TAF4: variants seen among roughly 807,000 people sequenced by gnomAD.
The protein encoded by TAF4 is transcription initiation factor TFIID subunit 4.
A neutral mutation model predicts 90.3 loss-of-function variants in TAF4; 9 were observed. The ratio of observed to expected loss-of-function variants is 0.10; its 90% CI spans 0.06 to 0.17. The LOEUF (loss-of-function observed/expected upper bound fraction) is 0.17, where lower values mean the gene tolerates loss of function less well. Among genes scored for constraint, TAF4 ranks in the 10% least tolerant of loss-of-function variants. The probability of loss-of-function intolerance (pLI) is 1.00; values close to 1 mark genes in which losing one functional copy is unlikely to be tolerated. For synonymous variants in TAF4, 818 were observed against 638.9 expected (o/e 1.28, Z -4.23); for missense variants, 1,351 against 1,370.7 (o/e 0.99, Z 0.23).
At chr20:62,024,854 TGA>T (rs1382660313) in intron 1 of TAF4, among the ~76,000 whole-genome samples, 1 of 150,428 alleles carries the variant, frequency 6.6e-6, no homozygotes, top group African/African-American at 2.5e-5. Context: ...CAGGCAACAC[TGA>T]GAGACTCCGC....
intron 1 of TAF4, among the ~76,000 whole-genome samples, chr20:62,034,042 C>CAA (rs753709978): frequency 1.1e-4 from 11 of 99,262 alleles, no homozygotes; most frequent in Non-Finnish European, 1.3e-4. Flanking sequence ...ACTCTGTCTC[C>CAA]AAAAAAAAAA....
At chr20:61,999,636 G>A (rs1208083926) in intron 11 of TAF4, among the ~76,000 whole-genome samples, 1 of 152,156 alleles carries the variant, frequency 6.6e-6, no homozygotes, top group African/African-American at 2.4e-5. Flanking sequence ...CCCAGAGAGA[G>A]AGGCAGGTGC....
Position 62,065,812 on chromosome 20 carries a change from T to C in TAF4, c.-2A>G. 3.9e-6 allele frequency: 5 copies of C among 1,283,286 alleles called. No homozygotes were observed. The highest frequency in any genetic ancestry group is 1.3e-5 in the South Asian group (1 of 74,570). The allele number at this position is 1,283,286 out of a possible 1,614,324, so 79.5% of individuals were successfully genotyped here. A position where few individuals can be genotyped will look rare whatever the true frequency, so the allele number is the denominator to read the frequency against. ...CAGCAGATCCGAGCCCGCCGCCATCTTTTTTCCTCGGCCGCCGCCGCCGCC... is the reference window on the plus strand; with the variant it reads ...CAGCAGATCCGAGCCCGCCGCCATCCTTTTTCCTCGGCCGCCGCCGCCGCC... On this transcript the variant is annotated 5_prime_UTR_variant, in exon 1 of 15. Coordinates refer to ENST00000252996, the MANE Select transcript of TAF4 (RefSeq NM_003185.4).
rs182388084 is a variant in TAF4, at chr20:61,975,032, G to A, written c.*1136C>T. 93 of 152,436 alleles carry A rather than the reference G, an allele frequency of 6.1e-4. No homozygotes were observed. The highest frequency in any genetic ancestry group is 1.9e-4 in the East Asian group (1 of 5,182). 9.4% of individuals were successfully genotyped at this position (152,436 alleles called of 1,614,324 possible). Reference sequence around the variant, plus strand: ...ATCAGCGTTCAGTTCACACGCGCTCGAATTAAAGTCTAATGTGAGAATTCA... The same window carrying A: ...ATCAGCGTTCAGTTCACACGCGCTCAAATTAAAGTCTAATGTGAGAATTCA... On this transcript the variant is annotated 3_prime_UTR_variant, in exon 15 of 15. Transcript: ENST00000252996.
intron 1 of TAF4, among the ~76,000 whole-genome samples, chr20:62,025,036 A>G (rs183746280): frequency 5.3e-5 from 8 of 152,298 alleles, no homozygotes; most frequent in Admixed American, 3.9e-4. Context: ...TAAAACTAAA[A>G]AGATCAGGTG....
Position 62,011,401 on chromosome 20 carries a change from G to C in TAF4, c.1642-1236C>G, listed in dbSNP as rs2055776864. On this transcript the variant is annotated intron_variant, in intron 3 of 14. Coordinates refer to ENST00000252996, the MANE Select transcript of TAF4 (RefSeq NM_003185.4). The stretch of plus-strand genomic sequence containing the variant: ...ATTTCACTCAGATGATATCCAGATT[G>C]TGTCTGCCACTAAGTATAATGCAAA... Among the ~76,000 whole-genome samples, 3 of 152,154 alleles carry C rather than the reference G, an allele frequency of 2.0e-5. No homozygotes were observed. In the South Asian group the frequency reaches 6.2e-4, roughly 32 times the overall value.
At chr20:61,984,158 G>A (rs972686483) in intron 14 of TAF4, among the ~76,000 whole-genome samples, 4 of 152,188 alleles carry the variant, frequency 2.6e-5, no homozygotes, top group South Asian at 2.1e-4. Flanking sequence ...ACTGAGGAGC[G>A]GCTCGGGGAT....
intron 1 of TAF4, among the ~76,000 whole-genome samples, chr20:62,046,218 G>A (rs897091641): frequency 5.9e-5 from 9 of 152,172 alleles, no homozygotes; most frequent in African/African-American, 1.2e-4. Context: ...GACTTGGTAC[G>A]GCTTTACTGA....
chr20:62,015,322 G>A (rs79306447), intron 1 of TAF4, among the ~76,000 whole-genome samples: 2,438 of 152,360 alleles, frequency 0.016, 64 homozygotes, highest in African/African-American at 0.056. Flanking sequence ...GCCCGTCATG[G>A]TTCTTGAGCT....
chr20:62,064,666 G>A lies in TAF4; in HGVS notation c.1145C>T (p.Ala382Val), dbSNP rs544588608. The A allele has an allele frequency of 4.6e-6, 6 of 1,300,636 alleles. No individual in the cohort carries two copies. In the East Asian group the frequency reaches 1.0e-4, roughly 22 times the overall value. The allele number at this position is 1,300,636 out of a possible 1,614,324, so 80.6% of individuals were successfully genotyped here. Reference protein sequence around the residue: ...SMVIGPTMQGALPSPAAVPPP... With the variant: ...SMVIGPTMQGVLPSPAAVPPP... ...CGGGACGGCGGCCGGGCTGGGCAGCGCCCCTTGCATAGTTGGCCCGATGAC... is the reference window on the plus strand; with the variant it reads ...CGGGACGGCGGCCGGGCTGGGCAGCACCCCTTGCATAGTTGGCCCGATGAC... The change falls in exon 1 of 15, where the codon GCG (alanine) becomes GTG (valine). Residue 382 changes from alanine to valine, a missense_variant. Physicochemically the swap from Ala to Val is moderately conservative, Grantham distance 64 (BLOSUM62 0). Around this residue, in one of 9 missense-constraint regions of TAF4, gnomAD observed 782 missense variants for 536.6 expected, o/e 1.46. Coordinates refer to ENST00000252996, the MANE Select transcript of TAF4 (RefSeq NM_003185.4).
Position 61,997,585 on chromosome 20 carries a change from T to C in TAF4, c.3055A>G (p.Lys1019Glu). The C allele has an allele frequency of 6.2e-7, 1 of 1,613,676 alleles. No homozygotes were observed. ...GAGCCCGGCCCCGGACAGTCCACTT[T>C]CCTCTTTTTCCTGGGCCCGATCGCT... Reference protein sequence around the residue: ...LAAIGPRKKRKVDCPGPGSGA... With the variant: ...LAAIGPRKKREVDCPGPGSGA... Residue 1019 changes from lysine (K) to glutamate (E), a missense_variant, in exon 14 of 15, where the codon AAA becomes GAA. By Grantham distance (56) the Lys-to-Glu change is moderately conservative (BLOSUM62 1). Transcript: ENST00000252996.
chr20:62,001,903 T>A (rs1046849382), intron 9 of TAF4, among the ~76,000 whole-genome samples: 1 of 152,164 alleles, frequency 6.6e-6, no homozygotes, highest in Non-Finnish European at 1.5e-5. Flanking sequence ...GAAGACAACA[T>A]CTGAACACTA....
chr20:62,015,761 T>C (rs1045348799), intron 1 of TAF4, among the ~76,000 whole-genome samples: 1 of 152,154 alleles, frequency 6.6e-6, no homozygotes, highest in African/African-American at 2.4e-5. Context: ...TGATGACAAA[T>C]GAGCGTGGGG....
chr20:62,001,220 C>T (rs1386125265), intron 9 of TAF4, among the ~76,000 whole-genome samples: 2 of 152,206 alleles, frequency 1.3e-5, no homozygotes, highest in African/African-American at 4.8e-5. Flanking sequence ...AAGCAGGATG[C>T]CATTGAGACC....
intron 2 of TAF4, among the ~76,000 whole-genome samples, chr20:62,013,832 T>C (rs1364690100): frequency 2.6e-5 from 4 of 152,110 alleles, no homozygotes; most frequent in Non-Finnish European, 2.9e-5. Flanking sequence ...CTGGGCACTC[T>C]GCCCTCCAAG....
chr20:62,056,959 A>G (rs1416919056), intron 1 of TAF4, among the ~76,000 whole-genome samples: 2 of 152,184 alleles, frequency 1.3e-5, no homozygotes, highest in Non-Finnish European at 2.9e-5. Context: ...ACCTTCTGCA[A>G]AGCTCCAAAG....
intron 1 of TAF4, among the ~76,000 whole-genome samples, chr20:62,053,059 T>C (rs2056038809): frequency 6.6e-6 from 1 of 152,032 alleles, no homozygotes; most frequent in Admixed American, 6.6e-5. Flanking sequence ...GGAACTCTGG[T>C]GGCACGCCCA....
chr20:62,065,327 CGGCGGGCTT>C lies in TAF4; in HGVS notation c.475_483del (p.Lys159_Ala161del), dbSNP rs1290430727. On this transcript the variant is annotated inframe_deletion, in exon 1 of 15. Transcript: ENST00000252996. ...GCGCGGGCGGCCAGCGCGGCGGGGC[CGGCGGGCTT>C]GGCGGGGCCGGCGGGGGCGGGCTCG... The C allele has an allele frequency of 4.7e-4, 446 of 939,550 alleles. No individual in the cohort carries two copies. Among genetic ancestry groups the C allele is most frequent in the Non-Finnish European group, 5.5e-4 (438 of 802,118 alleles). The allele number at this position is 939,550 out of a possible 1,614,324, so 58.2% of individuals were successfully genotyped here.
intron 1 of TAF4, among the ~76,000 whole-genome samples, chr20:62,048,400 C>T (rs2056005922): frequency 6.6e-6 from 1 of 152,158 alleles, no homozygotes; most frequent in Non-Finnish European, 1.5e-5. Flanking sequence ...ACAGGGCCAC[C>T]TGCAAGGCCT....
Sources: allele counts gnomAD v4.1 joint callset (sites outside exome capture counted in the v4.1 genomes callset), GRCh38; gene constraint gnomAD v4.1.1; regional missense constraint gnomAD v4.1.1; transcripts MANE v1.5; gene names NCBI Gene and HGNC (gene_info 2026-07-23, HGNC 2026-07-21).